The following SLC2A5 variants were observed in gnomAD, a reference collection of about 807,000 sequenced individuals.
SLC2A5 encodes the protein solute carrier family 2, facilitated glucose transporter member 5.
Under a neutral mutation model 50.3 loss-of-function variants are expected in SLC2A5, and 56 were observed. The ratio of observed to expected loss-of-function variants is 1.11; its 90% CI spans 0.90 to 1.39. The LOEUF (loss-of-function observed/expected upper bound fraction) is 1.39, where lower values mean the gene tolerates loss of function less well. Ranked by LOEUF, SLC2A5 falls within the 40% of genes most tolerant of loss-of-function variation. The probability of loss-of-function intolerance (pLI) is 0.00; values close to 1 mark genes in which losing one functional copy is unlikely to be tolerated. For missense variants in SLC2A5, 566 were observed against 650.1 expected, an observed-to-expected ratio of 0.87 and a Z score of 1.41; for synonymous variants, 269 against 281.9, an observed-to-expected ratio of 0.95 and a Z score of 0.46.
intron 1 of SLC2A5, 36 bp downstream of exon 1, chr1:9,069,468 C>G: frequency 6.2e-7 from 1 of 1,611,284 alleles, no homozygotes; most frequent in African/African-American, 1.3e-5. Flanking sequence ...GCAGCCAAGC[C>G]TGCTCTTGGC....
chr1:9,067,244 C>T (rs575061291), intron 1 of SLC2A5, among the ~76,000 whole-genome samples: 40 of 152,326 alleles, frequency 2.6e-4, no homozygotes, highest in African/African-American at 8.2e-4. Flanking sequence ...AAGCCCAGCA[C>T]GCCCCAGCTT....
intron 2 of SLC2A5, among the ~76,000 whole-genome samples, chr1:9,075,745 C>T (rs917855376): frequency 6.6e-6 from 1 of 152,110 alleles, no homozygotes; most frequent in African/African-American, 2.4e-5. Flanking sequence ...ACTGTAACCT[C>T]GGCCTCCCAA....
At chr1:9,054,080 C>T (rs1217836603) in intron 3 of SLC2A5, among the ~76,000 whole-genome samples, 1 of 151,860 alleles carries the variant, frequency 6.6e-6, no homozygotes, top group Non-Finnish European at 1.5e-5. Context: ...CAGAAATTAC[C>T]TAGAAAGCAC....
At chr1:9,074,039 C>T (rs554516086), upstream of SLC2A5, among the ~76,000 whole-genome samples, 3 of 151,870 alleles carry the variant, frequency 2.0e-5, no homozygotes, top group East Asian at 5.8e-4. Flanking sequence ...GAGATCAAAC[C>T]ACTGCACTTC....
chr1:9,051,905 T>C (rs1641586594), intron 3 of SLC2A5, among the ~76,000 whole-genome samples: 1 of 152,170 alleles, frequency 6.6e-6, no homozygotes, highest in Non-Finnish European at 1.5e-5. Flanking sequence ...CCTCTGGTAC[T>C]GAACCGATAA....
At chr1:9,067,173 A>G (rs1454332350) in intron 1 of SLC2A5, among the ~76,000 whole-genome samples, 1 of 152,018 alleles carries the variant, frequency 6.6e-6, no homozygotes, top group Non-Finnish European at 1.5e-5. Flanking sequence ...TCTCGGCTGC[A>G]CTTAATGATT....
intron 2 of SLC2A5, among the ~76,000 whole-genome samples, chr1:9,077,011 A>G (rs906176384): frequency 2.0e-5 from 3 of 150,718 alleles, no homozygotes; most frequent in African/African-American, 7.3e-5. Flanking sequence ...CTGGTCTCGA[A>G]CTCCTGACCT....
chr1:9,086,591 A>G (rs1642404125), intron 1 of SLC2A5, among the ~76,000 whole-genome samples: 1 of 152,032 alleles, frequency 6.6e-6, no homozygotes. Flanking sequence ...GTGTTTCACC[A>G]AGTTGGTCAG....
rs1298935320 is a variant in SLC2A5 at position 9,038,818 on chromosome 1, C to T, written c.1098+10G>A. 10 of 1,592,462 alleles carry T rather than the reference C, an allele frequency of 6.3e-6. No individual in the cohort carries two copies. Among genetic ancestry groups the T allele is most frequent in the African/African-American group, 2.7e-5 (2 of 74,670 alleles). ...AGCTCCGGGCTCCTGGGACCCTGGCCTGTCCTCACCTGCAGTGCCAGAGCT... is the reference window on the plus strand; with the variant it reads ...AGCTCCGGGCTCCTGGGACCCTGGCTTGTCCTCACCTGCAGTGCCAGAGCT... On this transcript the variant is annotated intron_variant, in intron 9 of 11. Transcript: ENST00000377424.
intron 1 of SLC2A5, among the ~76,000 whole-genome samples, chr1:9,063,699 T>C (rs1642005957): frequency 9.7e-6 from 1 of 103,608 alleles, no homozygotes; most frequent in South Asian, 3.5e-4. Flanking sequence ...TTTTTTTTTT[T>C]TTTTTTTTTT....
chr1:9,054,900 G>C (rs1176507159), intron 3 of SLC2A5, among the ~76,000 whole-genome samples: 3 of 152,118 alleles, frequency 2.0e-5, no homozygotes, highest in Non-Finnish European at 4.4e-5. Context: ...CTCCCACCTA[G>C]GTGACAGAGT....
At chr1:9,090,474 T>TCCCACAATAATCCTATTCTC, upstream of SLC2A5, among the ~76,000 whole-genome samples, 1 of 152,274 alleles carries the variant, frequency 6.6e-6, no homozygotes, top group East Asian at 1.9e-4. Context: ...CACCCATTCT[T>TCCCACAATAATCCTATTCTC]CCCACAATAA....
intron 2 of SLC2A5, 78 bp from the exon 3 acceptor site, chr1:9,057,686 C>T (rs759022629): frequency 2.6e-4 from 342 of 1,299,388 alleles, no homozygotes; most frequent in Non-Finnish European, 3.1e-4. Context: ...TTAGGACACC[C>T]AATGAAATAA....
intron 4 of SLC2A5, 90 bp from the exon 5 acceptor site, chr1:9,042,027 TTA>T: frequency 6.9e-7 from 1 of 1,444,938 alleles, no homozygotes; most frequent in Non-Finnish European, 9.1e-7. Flanking sequence ...AGCAATAACA[TTA>T]TTTGGGCCAG....
At chr1:9,045,079 T>TTC (rs1249978442) in intron 4 of SLC2A5, among the ~76,000 whole-genome samples, 1 of 152,084 alleles carries the variant, frequency 6.6e-6, no homozygotes, top group Non-Finnish European at 1.5e-5. Flanking sequence ...CTGCTCTTCA[T>TTC]TCTCTCTCTC....
chr1:9,039,676 G>A lies in SLC2A5; in HGVS notation c.886-14C>T, dbSNP rs1275239260. 4 of 1,507,428 alleles carry A rather than the reference G, an allele frequency of 2.7e-6. No homozygotes were observed. The highest frequency in any genetic ancestry group is 1.3e-5 in the South Asian group (1 of 79,980). 93.4% of individuals were successfully genotyped at this position (1,507,428 alleles called of 1,614,324 possible). ...GTAGTAGTAGATCTGCAAGGCAAGC[G>A]CGGGGCTGGGCGGCTGCCCGGAGGA... On this transcript the variant is annotated splice_polypyrimidine_tract_variant and intron_variant, in intron 7 of 11. Coordinates refer to ENST00000377424, the MANE Select transcript of SLC2A5 (RefSeq NM_003039.3).
At chr1:9,046,170 C>CTCCCTCA (rs144298032) in intron 4 of SLC2A5, among the ~76,000 whole-genome samples, 3,503 of 152,188 alleles carry the variant, frequency 0.023, 149 homozygotes, top group African/African-American at 0.08. Context: ...CAGTGAGGCA[C>CTCCCTCA]CTGGGAGGGG....
Position 9,047,709 on chromosome 1 carries a change from T to C in SLC2A5, c.319A>G (p.Ile107Val), listed in dbSNP as rs547542572. ...GRKGALLFNN[I>V]FSIVPAILMG... is the part of the protein sequence containing the mutation. The stretch of plus-strand genomic sequence containing the variant: ...AAGATCGCAGGCACGATAGAAAATA[T>C]GTTGTTGAACAGCAAGGCCCCTTTT... Residue 107 changes from isoleucine to valine, a missense_variant, in exon 4 of 12, where the codon ATA (isoleucine) becomes GTA (valine). Coordinates refer to ENST00000377424, the MANE Select transcript of SLC2A5 (RefSeq NM_003039.3). 46 of 1,614,048 alleles carry C rather than the reference T, an allele frequency of 2.8e-5. No individual in the cohort carries two copies. The South Asian group carries it at 3.1e-4, about 11-fold the overall frequency.
intron 1 of SLC2A5, among the ~76,000 whole-genome samples, chr1:9,086,956 A>G (rs1642407099): frequency 6.6e-6 from 1 of 152,190 alleles, no homozygotes; most frequent in South Asian, 2.1e-4. Context: ...CTCTCTGACC[A>G]GAAACATGCC....
Sources: gnomAD v4.1 joint callset for allele counts (sites outside exome capture counted in the v4.1 genomes callset) on GRCh38, gnomAD v4.1.1 for gene constraint, MANE v1.5 for transcripts, NCBI Gene and HGNC (gene_info 2026-07-23, HGNC 2026-07-21) for gene names.